The following PCNX1 variants were observed in gnomAD, a reference collection of about 807,000 sequenced individuals.
PCNX1 encodes pecanex 1, also known as pecanex-like protein 1.
A neutral mutation model predicts 242.2 loss-of-function variants in PCNX1; 78 were observed. That is an observed-to-expected ratio of 0.32 (90% CI 0.27 to 0.39). The LOEUF is 0.39. Ranked by LOEUF, PCNX1 falls within the 10% of genes least tolerant of loss-of-function variation. The probability of loss-of-function intolerance (pLI) is 1.00; values close to 1 mark genes in which losing one functional copy is unlikely to be tolerated. For missense variants in PCNX1, 2,581 were observed against 2,856.5 expected (o/e 0.90, Z 2.20); for synonymous variants, 1,024 against 1,032.9 (o/e 0.99, Z 0.17).
At chr14:71,068,423 T>C (rs2061503145) in intron 26 of PCNX1, among the ~76,000 whole-genome samples, 1 of 145,006 alleles carries the variant, frequency 6.9e-6, no homozygotes, top group Admixed American at 6.9e-5. Flanking sequence ...TATTTATATG[T>C]ATATGTATAT....
chr14:70,939,711 T>G (rs1245693003), intron 1 of PCNX1, among the ~76,000 whole-genome samples: 1 of 152,230 alleles, frequency 6.6e-6, no homozygotes. Flanking sequence ...CTCGTTGATC[T>G]GTCTAATGTT....
chr14:71,052,803 T>A (rs1466499698), intron 24 of PCNX1, among the ~76,000 whole-genome samples: 1 of 152,208 alleles, frequency 6.6e-6, no homozygotes, highest in East Asian at 1.9e-4. Context: ...TTCCTTGGGC[T>A]AGCTACTTAA....
intron 30 of PCNX1, chr14:71,093,028 A>C (rs146724126): frequency 6.6e-6 from 1 of 152,160 alleles, no homozygotes. Flanking sequence ...GCCTCCAGAT[A>C]ACATCTCTAA....
intron 2 of PCNX1, among the ~76,000 whole-genome samples, chr14:70,949,502 G>T (rs564032995): frequency 6.6e-6 from 1 of 151,708 alleles, no homozygotes; most frequent in African/African-American, 2.4e-5. Flanking sequence ...TAAGCAAATT[G>T]TGATATTTTA....
chr14:70,967,389 A>G (rs540569431), intron 3 of PCNX1, among the ~76,000 whole-genome samples: 2 of 152,322 alleles, frequency 1.3e-5, no homozygotes, highest in East Asian at 3.9e-4. Flanking sequence ...ATCCATGAAA[A>G]CGAGTTACAG....
intron 34 of PCNX1, 39 bp from the exon 35 acceptor site, chr14:71,109,413 G>GA: frequency 1.3e-6 from 2 of 1,558,660 alleles, no homozygotes; most frequent in East Asian, 2.3e-5. Context: ...TCATCATCAA[G>GA]AAAAAAATGA....
At chr14:70,993,117 T>C (rs891699750) in intron 7 of PCNX1, among the ~76,000 whole-genome samples, 5 of 136,662 alleles carry the variant, frequency 3.7e-5, no homozygotes, top group African/African-American at 1.4e-4. Context: ...AAAAATTATC[T>C]AAATTAATTT....
At chr14:70,915,917 G>A (rs556036879) in intron 1 of PCNX1, among the ~76,000 whole-genome samples, 3 of 152,266 alleles carry the variant, frequency 2.0e-5, no homozygotes, top group Admixed American at 2.0e-4. Context: ...CTCAGAGCAG[G>A]AAGGAAGGAG....
intron 30 of PCNX1, among the ~76,000 whole-genome samples, chr14:71,091,057 T>C (rs1459205445): frequency 6.6e-6 from 1 of 151,998 alleles, no homozygotes; most frequent in Non-Finnish European, 1.5e-5. Context: ...AACAGGGAGG[T>C]GAGAATGTAG....
At chr14:70,986,061 A>C (rs1372743097) in intron 6 of PCNX1, among the ~76,000 whole-genome samples, 1 of 152,254 alleles carries the variant, frequency 6.6e-6, no homozygotes, top group Non-Finnish European at 1.5e-5. Context: ...CTTTAAAGAC[A>C]CATTTTCCCT....
At chr14:70,926,388 C>CT (rs1555340459) in intron 1 of PCNX1, among the ~76,000 whole-genome samples, 3 of 152,180 alleles carry the variant, frequency 2.0e-5, no homozygotes, top group Non-Finnish European at 2.9e-5. Context: ...CATTTACAGT[C>CT]TGTGTATATC....
At chr14:71,021,417 G>A (rs2060098108) in intron 12 of PCNX1, among the ~76,000 whole-genome samples, 1 of 152,108 alleles carries the variant, frequency 6.6e-6, no homozygotes, top group South Asian at 2.1e-4. Context: ...CCATTTGTTT[G>A]TGTCTTCTCT....
At chr14:70,950,691 G>A (rs1231852369) in intron 2 of PCNX1, among the ~76,000 whole-genome samples, 1 of 151,836 alleles carries the variant, frequency 6.6e-6, no homozygotes, top group African/African-American at 2.4e-5. Context: ...TGTTTAATAT[G>A]TAAATAAATT....
At chr14:71,039,291 A>G (rs1405317032) in intron 19 of PCNX1, among the ~76,000 whole-genome samples, 1 of 152,188 alleles carries the variant, frequency 6.6e-6, no homozygotes, top group African/African-American at 2.4e-5. Context: ...TGGGTTATGA[A>G]TCTGGGAGTG....
At chr14:70,927,659 G>T (rs2056642850) in intron 1 of PCNX1, among the ~76,000 whole-genome samples, 1 of 151,596 alleles carries the variant, frequency 6.6e-6, no homozygotes. Context: ...GTGCGATCTT[G>T]GCTCACTGCA....
chr14:71,104,367 A>G (rs1316126692), intron 32 of PCNX1, among the ~76,000 whole-genome samples: 2 of 152,150 alleles, frequency 1.3e-5, no homozygotes, highest in Non-Finnish European at 2.9e-5. Context: ...AGAAGGCACA[A>G]TATAAGTCAG....
intron 26 of PCNX1, among the ~76,000 whole-genome samples, chr14:71,069,350 A>G (rs2061534584): frequency 6.6e-6 from 1 of 152,228 alleles, no homozygotes; most frequent in African/African-American, 2.4e-5. Flanking sequence ...AATATTAGCA[A>G]ATTAATAGAA....
chr14:71,051,744 A>G (rs1477560602), intron 23 of PCNX1, 139 bp from the exon 24 acceptor site: 2 of 757,244 alleles, frequency 2.6e-6, no homozygotes, highest in Non-Finnish European at 4.3e-6. Flanking sequence ...GCCCAGTGAT[A>G]TACCTTCTTT....
intron 7 of PCNX1, among the ~76,000 whole-genome samples, chr14:70,993,944 C>G (rs4496061): frequency 0.032 from 4,942 of 152,160 alleles, 238 homozygotes; most frequent in African/African-American, 0.11. Context: ...CAAGATTTAT[C>G]TGTTGATTTA....
Sources: gnomAD v4.1 joint callset for allele counts (sites outside exome capture counted in the v4.1 genomes callset) on GRCh38, gnomAD v4.1.1 for gene constraint, MANE v1.5 for transcripts, NCBI Gene and HGNC (gene_info 2026-07-23, HGNC 2026-07-21) for gene names.